AFG1L: variants seen among roughly 807,000 people sequenced by gnomAD.
AFG1L encodes AFG1 like ATPase.
Under a neutral mutation model 62.2 loss-of-function variants are expected in AFG1L, and 53 were observed. The ratio of observed to expected loss-of-function variants is 0.85; its 90% CI spans 0.68 to 1.07. The LOEUF (loss-of-function observed/expected upper bound fraction) is 1.07, where lower values mean the gene tolerates loss of function less well. Among genes scored for constraint, AFG1L ranks in the 50% least tolerant of loss-of-function variants. AFG1L has a pLI of 0.00. For synonymous variants in AFG1L, 228 were observed against 210.3 expected (o/e 1.08, Z -0.73); for missense variants, 555 against 590.5 (o/e 0.94, Z 0.62).
At chr6:108,458,402 T>C (rs910036927) in intron 8 of AFG1L, among the ~76,000 whole-genome samples, 1 of 152,162 alleles carries the variant, frequency 6.6e-6, no homozygotes, top group Non-Finnish European at 1.5e-5. Flanking sequence ...TAATCTGTTA[T>C]TAATTATAAT....
At chr6:108,495,944 C>CTA (rs1433429052) in intron 10 of AFG1L, among the ~76,000 whole-genome samples, 1 of 152,160 alleles carries the variant, frequency 6.6e-6, no homozygotes, top group African/African-American at 2.4e-5. Context: ...TCATCATTAT[C>CTA]TATCATAAGA....
At chr6:108,320,081 C>T (rs919065877) in intron 1 of AFG1L, among the ~76,000 whole-genome samples, 1 of 151,978 alleles carries the variant, frequency 6.6e-6, no homozygotes, top group Non-Finnish European at 1.5e-5. Context: ...GTTGGAAAAC[C>T]ACTCCTTTAA....
intron 10 of AFG1L, among the ~76,000 whole-genome samples, chr6:108,493,862 A>G (rs1178057441): frequency 6.6e-6 from 1 of 152,130 alleles, no homozygotes; most frequent in Non-Finnish European, 1.5e-5. Context: ...TTTTTGAGAC[A>G]CAGTCTCACT....
At chr6:108,462,982 T>C (rs574395827) in intron 8 of AFG1L, among the ~76,000 whole-genome samples, 1 of 152,274 alleles carries the variant, frequency 6.6e-6, no homozygotes, top group South Asian at 2.1e-4. Flanking sequence ...TGTGTTCATT[T>C]TTAGCTATTA....
intron 3 of AFG1L, among the ~76,000 whole-genome samples, chr6:108,348,647 A>G (rs751855426): frequency 1.6e-4 from 25 of 152,224 alleles, no homozygotes; most frequent in South Asian, 2.1e-4. Flanking sequence ...AGACCAATGT[A>G]TACTTACTTC....
chr6:108,347,257 A>C (rs953435000), intron 3 of AFG1L, among the ~76,000 whole-genome samples: 2 of 152,180 alleles, frequency 1.3e-5, no homozygotes, highest in African/African-American at 4.8e-5. Flanking sequence ...AGAATTAGTC[A>C]CCATGTTAGG....
At chr6:108,475,441 G>C (rs1381881085) in intron 8 of AFG1L, among the ~76,000 whole-genome samples, 1 of 152,094 alleles carries the variant, frequency 6.6e-6, no homozygotes, top group Non-Finnish European at 1.5e-5. Context: ...GGTGGTGTTG[G>C]TTCCAAATGA....
At position 108,522,608 on chromosome 6, in the gene AFG1L, A is replaced by G; in HGVS notation, c.*183A>G. 2.0e-6 allele frequency: 1 copy of G among 503,152 alleles called. No homozygotes were observed. The highest frequency in any genetic ancestry group is 4.0e-5 in the South Asian group (1 of 24,804). 31.2% of individuals were successfully genotyped at this position (503,152 alleles called of 1,614,324 possible). ...GTAAGTTAAACACTTAACATTTTTT[A>G]GGTCTGCTTTTTCTTATTTGGCCTT... is the stretch of plus-strand genomic sequence containing the variant. On this transcript the variant is annotated 3_prime_UTR_variant, in exon 13 of 13. Coordinates refer to ENST00000368977, the MANE Select transcript of AFG1L (RefSeq NM_145315.5).
At chr6:108,492,939 TACACAC>T (rs141066470) in intron 10 of AFG1L, among the ~76,000 whole-genome samples, 2 of 150,792 alleles carry the variant, frequency 1.3e-5, no homozygotes, top group African/African-American at 4.9e-5. Context: ...CAAATAATTA[TACACAC>T]ACACACACAC....
chr6:108,357,938 TA>T (rs1403296793), intron 5 of AFG1L, among the ~76,000 whole-genome samples: 5 of 152,206 alleles, frequency 3.3e-5, no homozygotes, highest in African/African-American at 1.2e-4. Context: ...GCTGTTACAC[TA>T]AACCATCTGG....
At chr6:108,438,556 T>A (rs1471638205) in intron 7 of AFG1L, among the ~76,000 whole-genome samples, 1 of 152,068 alleles carries the variant, frequency 6.6e-6, no homozygotes, top group Admixed American at 6.6e-5. Flanking sequence ...CTTTTTTTTT[T>A]AAGTTACCTC....
chr6:108,330,075 TG>T (rs1778208201), intron 2 of AFG1L, among the ~76,000 whole-genome samples: 1 of 152,154 alleles, frequency 6.6e-6, no homozygotes, highest in Non-Finnish European at 1.5e-5. Flanking sequence ...CTGTGTCATC[TG>T]GGGCTCTGCA....
Position 108,366,269 on chromosome 6 carries a change from C to G in AFG1L, c.685C>G (p.Leu229Val), listed in dbSNP as rs1779753525. The change falls in exon 6 of 13, where the codon CTT (leucine) becomes GTT (valine). Residue 229 changes from leucine to valine, a missense_variant. Leu to Val is a conservative substitution (Grantham distance 32). Transcript: ENST00000368977. Reference sequence around the variant, plus strand: ...TGCTGATGCCATGATTCTGAAACAGCTTTTTGAAAATCTGTTCAAAAACGG... The same window carrying G: ...TGCTGATGCCATGATTCTGAAACAGGTTTTTGAAAATCTGTTCAAAAACGG... ...DIADAMILKQ[L>V]FENLFKNGVV... 1 of 1,611,016 alleles carries G rather than the reference C, an allele frequency of 6.2e-7. No individual in the cohort carries two copies. Among genetic ancestry groups the G allele is most frequent in the Admixed American group, 1.7e-5 (1 of 59,940 alleles).
intron 10 of AFG1L, among the ~76,000 whole-genome samples, chr6:108,484,926 T>G (rs1000243253): frequency 2.0e-5 from 3 of 152,196 alleles, no homozygotes; most frequent in Non-Finnish European, 4.4e-5. Flanking sequence ...TAAAAGTTGT[T>G]GATTTTTTTT....
intron 1 of AFG1L, among the ~76,000 whole-genome samples, chr6:108,315,283 T>C (rs1280247726): frequency 6.6e-6 from 1 of 152,204 alleles, no homozygotes; most frequent in Non-Finnish European, 1.5e-5. Flanking sequence ...GTGAAGCTTA[T>C]TTCCATTTCT....
At chr6:108,339,678 T>A (rs1778608432) in intron 2 of AFG1L, among the ~76,000 whole-genome samples, 1 of 152,120 alleles carries the variant, frequency 6.6e-6, no homozygotes, top group African/African-American at 2.4e-5. Flanking sequence ...TAGGCTGGTT[T>A]CGAACTCCTG....
intron 1 of AFG1L, chr6:108,318,372 A>G: frequency 2.7e-6 from 1 of 365,922 alleles, no homozygotes; most frequent in Non-Finnish European, 5.2e-6. Context: ...AACTGGGAAG[A>G]GGTAAGAGAA....
At chr6:108,464,225 A>G (rs767690684) in intron 8 of AFG1L, among the ~76,000 whole-genome samples, 2 of 152,202 alleles carry the variant, frequency 1.3e-5, no homozygotes, top group Non-Finnish European at 2.9e-5. Context: ...ATTAATTTCC[A>G]TTTAAATTCA....
intron 7 of AFG1L, among the ~76,000 whole-genome samples, chr6:108,418,950 G>T (rs1325751184): frequency 1.3e-5 from 2 of 152,102 alleles, no homozygotes; most frequent in African/African-American, 4.8e-5. Context: ...GGCAAGCATT[G>T]CTATTCTCAT....
Sources: gnomAD v4.1 joint callset for allele counts (sites outside exome capture counted in the v4.1 genomes callset) on GRCh38, gnomAD v4.1.1 for gene constraint, MANE v1.5 for transcripts, NCBI Gene and HGNC (gene_info 2026-07-23, HGNC 2026-07-21) for gene names.